SLC14A2: variants seen among roughly 807,000 people sequenced by gnomAD.
SLC14A2 encodes urea transporter 2.
SLC14A2 carries 91 observed loss-of-function variants against 104.6 expected under a neutral mutation model. The observed-to-expected ratio is 0.87, with a 90% confidence interval of 0.73 to 1.04. The LOEUF is 1.04. Ranked by LOEUF, SLC14A2 falls within the 50% of genes least tolerant of loss-of-function variation. The pLI is 0.00. For missense variants in SLC14A2, 1,189 were observed against 1,156.0 expected (o/e 1.03, Z -0.41); for synonymous variants, 476 against 466.4 (o/e 1.02, Z -0.27).
At chr18:45,661,226 C>T (rs1336291603) in intron 10 of SLC14A2, among the ~76,000 whole-genome samples, 1 of 152,228 alleles carries the variant, frequency 6.6e-6, no homozygotes, top group Non-Finnish European at 1.5e-5. Context: ...CAGCACTCTC[C>T]ACCTGTGTTA....
chr18:45,635,797 G>A (rs570138379), intron 5 of SLC14A2, among the ~76,000 whole-genome samples: 3 of 152,320 alleles, frequency 2.0e-5, no homozygotes, highest in Admixed American at 2.0e-4. Context: ...AGAAAAAGAA[G>A]AGATTGAAGC....
chr18:45,550,918 C>T (rs558918376), intron 2 of SLC14A2, among the ~76,000 whole-genome samples: 17 of 152,218 alleles, frequency 1.1e-4, no homozygotes, highest in Admixed American at 7.9e-4. Context: ...CTAAGAGCTA[C>T]GGAACTGACT....
chr18:45,417,551 T>C (rs892545719), intron 1 of SLC14A2, among the ~76,000 whole-genome samples: 1 of 152,174 alleles, frequency 6.6e-6, no homozygotes, highest in Non-Finnish European at 1.5e-5. Flanking sequence ...AGCCATCAGA[T>C]CTTCTGAGAA....
At chr18:45,194,811 A>AT in the SLC14A2 span, among the ~76,000 whole-genome samples, 6 of 151,580 alleles carry the variant, frequency 4.0e-5, no homozygotes, top group Non-Finnish European at 5.9e-5. Flanking sequence ...ATGCCGGCTA[A>AT]TTTTTTGTAT....
At chr18:45,426,542 GCA>G (rs2086429421) in intron 1 of SLC14A2, among the ~76,000 whole-genome samples, 2 of 112,356 alleles carry the variant, frequency 1.8e-5, no homozygotes, top group South Asian at 3.3e-4. Context: ...AATGAGATCA[GCA>G]TGTGTGTGTG....
chr18:45,625,996 T>G (rs2045252411), intron 3 of SLC14A2, 133 bp downstream of exon 3: 1 of 584,982 alleles, frequency 1.7e-6, no homozygotes, highest in Non-Finnish European at 2.6e-6. Context: ...GGACTGGACC[T>G]CACCCAGGGC....
At chr18:45,563,075 C>T (rs758694854) in intron 2 of SLC14A2, among the ~76,000 whole-genome samples, 5 of 152,216 alleles carry the variant, frequency 3.3e-5, no homozygotes, top group African/African-American at 1.2e-4. Context: ...GGGGGGCTGG[C>T]AGGGCCCAGC....
At chr18:45,557,586 G>A (rs1314819055) in intron 2 of SLC14A2, among the ~76,000 whole-genome samples, 2 of 152,138 alleles carry the variant, frequency 1.3e-5, no homozygotes, top group Non-Finnish European at 2.9e-5. Flanking sequence ...CTCTTTCAGG[G>A]TCCCTATTCT....
chr18:45,453,600 A>C (rs138423412), intron 1 of SLC14A2, among the ~76,000 whole-genome samples: 1,970 of 152,164 alleles, frequency 0.013, 32 homozygotes, highest in African/African-American at 0.035. Flanking sequence ...TTTTGCATTA[A>C]CTTTCATTTT....
At chr18:45,346,562 C>A (rs553478524) in intron 1 of SLC14A2, among the ~76,000 whole-genome samples, 3 of 152,164 alleles carry the variant, frequency 2.0e-5, no homozygotes, top group East Asian at 1.9e-4. Flanking sequence ...AGTCTGAATT[C>A]TTTCATCTTT....
chr18:45,383,072 C>T (rs555553300), intron 1 of SLC14A2, among the ~76,000 whole-genome samples: 7 of 152,292 alleles, frequency 4.6e-5, no homozygotes, highest in Admixed American at 4.6e-4. Flanking sequence ...TTGTGCTGCA[C>T]ATTTGCCTGC....
chr18:45,624,637 G>T lies in SLC14A2; in HGVS notation c.-28G>T, dbSNP rs761706158. Reference sequence around the variant, plus strand: ...TCCCTTTCCTTCCGTCTAGTCCATCGATAGAAGAGTGGCTGTGACCCGAAG... The same window carrying T: ...TCCCTTTCCTTCCGTCTAGTCCATCTATAGAAGAGTGGCTGTGACCCGAAG... On this transcript the variant is annotated 5_prime_UTR_variant, in exon 2 of 20. Transcript: ENST00000255226. 6.3e-7 allele frequency: 1 copy of T among 1,598,988 alleles called. No homozygotes were observed. The highest frequency in any genetic ancestry group is 1.3e-5 in the African/African-American group (1 of 74,706).
intron 2 of SLC14A2, among the ~76,000 whole-genome samples, chr18:45,575,142 A>G (rs571589169): frequency 6.6e-6 from 1 of 152,156 alleles, no homozygotes; most frequent in Non-Finnish European, 1.5e-5. Flanking sequence ...TTTCTTGACC[A>G]TGAAAAGGCA....
At chr18:45,463,787 T>C (rs2087089235) in intron 1 of SLC14A2, among the ~76,000 whole-genome samples, 1 of 152,150 alleles carries the variant, frequency 6.6e-6, no homozygotes, top group African/African-American at 2.4e-5. Flanking sequence ...TAACCTGCCA[T>C]GTAATAAGCC....
intron 2 of SLC14A2, among the ~76,000 whole-genome samples, chr18:45,568,522 G>A (rs1290024734): frequency 6.6e-6 from 1 of 152,228 alleles, no homozygotes. Flanking sequence ...GAGTGGTTCT[G>A]AAGAATGAGT....
chr18:45,557,951 C>T (rs1387943637), intron 2 of SLC14A2, among the ~76,000 whole-genome samples: 2 of 152,144 alleles, frequency 1.3e-5, no homozygotes, highest in African/African-American at 4.8e-5. Context: ...GGGGCATTTC[C>T]ATAAGTGACA....
chr18:45,643,241 A>G (rs1266298661), intron 9 of SLC14A2, 60 bp downstream of exon 9: 1 of 1,475,822 alleles, frequency 6.8e-7, no homozygotes, highest in African/African-American at 1.4e-5. Context: ...TTCTGGACAT[A>G]TGGGGTTGTG....
At chr18:45,219,176 G>C (rs979750196) in intron 1 of SLC14A2, among the ~76,000 whole-genome samples, 4 of 152,142 alleles carry the variant, frequency 2.6e-5, no homozygotes, top group African/African-American at 9.7e-5. Flanking sequence ...TTCATAGTCA[G>C]ATAATTCATA....
At chr18:45,605,405 G>A (rs777786301) in intron 2 of SLC14A2, among the ~76,000 whole-genome samples, 5 of 152,134 alleles carry the variant, frequency 3.3e-5, no homozygotes, top group Admixed American at 2.0e-4. Flanking sequence ...GGGTGAAGAT[G>A]CCCACTGACA....
Sources: gnomAD v4.1 joint callset for allele counts (sites outside exome capture counted in the v4.1 genomes callset) on GRCh38, gnomAD v4.1.1 for gene constraint, MANE v1.5 for transcripts, NCBI Gene and HGNC (gene_info 2026-07-23, HGNC 2026-07-21) for gene names.